The following HACE1 variants were observed in gnomAD, a reference collection of about 807,000 sequenced individuals.
The protein encoded by HACE1 is HECT domain and ankyrin repeat containing E3 ubiquitin protein ligase 1.
A neutral mutation model predicts 118.4 loss-of-function variants in HACE1; 73 were observed. The ratio of observed to expected loss-of-function variants is 0.62; its 90% CI spans 0.51 to 0.75. The LOEUF (loss-of-function observed/expected upper bound fraction) is 0.75, where lower values mean the gene tolerates loss of function less well. Among genes scored for constraint, HACE1 ranks in the 30% least tolerant of loss-of-function variants. The pLI is 0.00. For synonymous variants in HACE1, 368 were observed against 374.8 expected (o/e 0.98, Z 0.21); for missense variants, 749 against 1,102.2 (o/e 0.68, Z 4.54).
intron 20 of HACE1, among the ~76,000 whole-genome samples, chr6:104,745,279 A>C (rs1777293789): frequency 6.6e-6 from 1 of 152,130 alleles, no homozygotes; most frequent in Admixed American, 6.5e-5. Context: ...AGTAAAAATG[A>C]AATTAAGAAT....
intron 1 of HACE1, among the ~76,000 whole-genome samples, chr6:104,857,781 C>A (rs1295672002): frequency 4.0e-5 from 6 of 151,748 alleles, no homozygotes; most frequent in African/African-American, 1.5e-4. Context: ...CACGGTGAAA[C>A]CCCGTCTCTA....
intron 1 of HACE1, among the ~76,000 whole-genome samples, chr6:104,857,045 C>CA (rs1387386967): frequency 4.0e-5 from 6 of 150,720 alleles, no homozygotes; most frequent in African/African-American, 7.3e-5. Context: ...TCTAACAAAG[C>CA]AAAAAAAATC....
At chr6:104,817,874 G>A (rs1381911095) in intron 6 of HACE1, among the ~76,000 whole-genome samples, 1 of 152,036 alleles carries the variant, frequency 6.6e-6, no homozygotes, top group Admixed American at 6.6e-5. Flanking sequence ...ACCATAACAA[G>A]AAATGATTAA....
chr6:104,785,518 A>C, intron 11 of HACE1, 199 bp from the exon 12 acceptor site: 1 of 544,284 alleles, frequency 1.8e-6, no homozygotes, highest in Non-Finnish European at 3.3e-6. Context: ...CAATTTCTTC[A>C]TTTATGGCAA....
chr6:104,818,400 C>T (rs1772334901), intron 6 of HACE1, among the ~76,000 whole-genome samples: 1 of 151,918 alleles, frequency 6.6e-6, no homozygotes, highest in African/African-American at 2.4e-5. Context: ...AGAAAATAAG[C>T]CTGCCAACCA....
In HACE1 at chr6:104,763,856, C is replaced by T. The variant is rs185351186; in HGVS notation, c.2211+7337G>A. 3.0e-3 allele frequency among the ~76,000 whole-genome samples: 449 copies of T among 152,178 alleles called. 2 individuals are homozygous for T. The highest frequency in any genetic ancestry group is 0.019 in the South Asian group (93 of 4,816). On this transcript the variant is annotated intron_variant, in intron 19 of 23. Transcript: ENST00000262903. ...CTTGGGGTCAGGATATCGAGACCAGCCTGGCCAACATGGTGAAACCTCATT... is the reference window on the plus strand; with the variant it reads ...CTTGGGGTCAGGATATCGAGACCAGTCTGGCCAACATGGTGAAACCTCATT...
intron 7 of HACE1, among the ~76,000 whole-genome samples, chr6:104,799,363 G>A (rs73768820): frequency 2.2e-3 from 334 of 152,230 alleles, no homozygotes; most frequent in African/African-American, 7.8e-3. Context: ...ACACACATAA[G>A]GGTAGTCAGT....
intron 19 of HACE1, among the ~76,000 whole-genome samples, chr6:104,767,534 T>G (rs1432820749): frequency 2.6e-5 from 4 of 152,198 alleles, no homozygotes; most frequent in Admixed American, 2.6e-4. Context: ...TTCTTTTTGT[T>G]TTCTTAACTG....
intron 6 of HACE1, among the ~76,000 whole-genome samples, chr6:104,825,634 C>T (rs1773250583): frequency 6.6e-6 from 1 of 152,308 alleles, no homozygotes; most frequent in East Asian, 1.9e-4. Flanking sequence ...TGATTGATTG[C>T]AGGCCACCAC....
At chr6:104,739,695 T>TA (rs1776400789) in intron 22 of HACE1, among the ~76,000 whole-genome samples, 1 of 151,622 alleles carries the variant, frequency 6.6e-6, no homozygotes, top group Non-Finnish European at 1.5e-5. Flanking sequence ...CAAAGAGACT[T>TA]AGACTCCCAC....
intron 14 of HACE1, among the ~76,000 whole-genome samples, chr6:104,783,192 T>C (rs533689143): frequency 3.3e-5 from 5 of 152,350 alleles, no homozygotes; most frequent in African/African-American, 7.2e-5. Context: ...CATCAAAATG[T>C]TGCATATTTT....
rs1265604722 is a variant in HACE1 at position 104,774,311 on chromosome 6, C to T, written c.1865-2237G>A. 8.7e-5 allele frequency among the ~76,000 whole-genome samples: 11 copies of T among 127,084 alleles called. 1 individual carries two copies. The East Asian group carries it at 1.6e-3, about 18-fold the overall frequency. 83.4% of individuals were successfully genotyped at this position (127,084 alleles called of 152,430 possible). On this transcript the variant is annotated intron_variant, in intron 17 of 23. Coordinates refer to ENST00000262903, the MANE Select transcript of HACE1 (RefSeq NM_020771.4). The stretch of plus-strand genomic sequence containing the variant: ...TTCACCGTTTTAGCCGGGATGGTCT[C>T]GATCTCCTGACCTCGTGATCCGCCC...
chr6:104,827,573 T>C (rs1428720349), intron 6 of HACE1, among the ~76,000 whole-genome samples: 2 of 152,148 alleles, frequency 1.3e-5, no homozygotes, highest in Admixed American at 1.3e-4. Context: ...TTCTTAGAAA[T>C]GATTAAAGGA....
Position 104,859,808 on chromosome 6 carries a change from G to C in HACE1, c.-166C>G, listed in dbSNP as rs1777141802. 1 of 609,834 alleles carries C rather than the reference G, an allele frequency of 1.6e-6. No homozygotes were observed. The highest frequency in any genetic ancestry group is 3.4e-5 in the East Asian group (1 of 29,410). 37.8% of individuals were successfully genotyped at this position (609,834 alleles called of 1,614,324 possible). ...TGCCTGGGGCCACGTCCTGCGTCCG[G>C]GGGCCGGGCTGCTGCCGGACCGACC... On this transcript the variant is annotated 5_prime_UTR_variant, in exon 1 of 24. Coordinates refer to ENST00000262903, the MANE Select transcript of HACE1 (RefSeq NM_020771.4).
intron 20 of HACE1, among the ~76,000 whole-genome samples, chr6:104,746,047 T>G (rs1003631937): frequency 6.6e-6 from 1 of 152,212 alleles, no homozygotes. Context: ...TAAAGAAATT[T>G]GCAAAACTGT....
intron 20 of HACE1, among the ~76,000 whole-genome samples, chr6:104,748,952 G>T (rs914663784): frequency 5.3e-5 from 8 of 152,082 alleles, no homozygotes; most frequent in Non-Finnish European, 7.4e-5. Flanking sequence ...CTTCATCTGG[G>T]TGTTAGTTTC....
chr6:104,820,037 A>C (rs1772528354), intron 6 of HACE1, among the ~76,000 whole-genome samples: 1 of 151,980 alleles, frequency 6.6e-6, no homozygotes, highest in Non-Finnish European at 1.5e-5. Flanking sequence ...TCTACTAAAA[A>C]TACAAAAATT....
chr6:104,843,758 G>GCATGT (rs1775335261), intron 4 of HACE1, among the ~76,000 whole-genome samples: 1 of 151,754 alleles, frequency 6.6e-6, no homozygotes, highest in African/African-American at 2.4e-5. Context: ...TCAATAAAAT[G>GCATGT]CATGTCTATG....
chr6:104,785,171 A>G lies in HACE1; in HGVS notation c.1223T>C (p.Phe408Ser), dbSNP rs748901937. The change falls in exon 12 of 24, where the codon TTT (phenylalanine) becomes TCT (serine). Residue 408 changes from phenylalanine (F) to serine (S), a missense_variant. By Grantham distance (155) the Phe-to-Ser change is radical. Coordinates refer to ENST00000262903, the MANE Select transcript of HACE1 (RefSeq NM_020771.4). ...ATAGCTCCCAGGTCCTGGAGGTTCA[A>G]ATGGAGGAATGGAAGCAGCATCTTG... is the stretch of plus-strand genomic sequence containing the variant. ...QDQDAASIPP[F>S]EPPGPGSYEN... 6.2e-7 allele frequency: 1 copy of G among 1,614,022 alleles called. No homozygotes were observed. The highest frequency in any genetic ancestry group is 8.5e-7 in the Non-Finnish European group (1 of 1,179,966).
Sources: allele counts gnomAD v4.1 joint callset (sites outside exome capture counted in the v4.1 genomes callset), GRCh38; gene constraint gnomAD v4.1.1; transcripts MANE v1.5; gene names NCBI Gene and HGNC (gene_info 2026-07-23, HGNC 2026-07-21).